SYNPR: variants seen among roughly 807,000 people sequenced by gnomAD.
SYNPR encodes synaptoporin.
In SYNPR, 23 loss-of-function variants were observed where a neutral mutation model predicts 32.9. That is an observed-to-expected ratio of 0.70 (90% confidence interval 0.50 to 0.99). The LOEUF is 0.99. Among genes scored for constraint, SYNPR ranks in the 50% least tolerant of loss-of-function variants. The probability of loss-of-function intolerance (pLI) is 0.00; values close to 1 mark genes in which losing one functional copy is unlikely to be tolerated. For missense variants in SYNPR, 318 were observed against 349.3 expected (o/e 0.91, Z 0.71); for synonymous variants, 146 against 135.9 (o/e 1.07, Z -0.52).
At chr3:63,510,252 G>C (rs1701671096) in intron 3 of SYNPR, among the ~76,000 whole-genome samples, 1 of 152,106 alleles carries the variant, frequency 6.6e-6, no homozygotes, top group South Asian at 2.1e-4. Flanking sequence ...TTCAAACCCA[G>C]GTCACCCTAT....
chr3:63,591,962 C>A (rs1418652221), intron 4 of SYNPR, among the ~76,000 whole-genome samples: 1 of 151,416 alleles, frequency 6.6e-6, no homozygotes, highest in Non-Finnish European at 1.5e-5. Flanking sequence ...ACCTGTGAAC[C>A]TGTGAATGTG....
At chr3:63,324,619 C>T (rs1178272712) in intron 2 of SYNPR, among the ~76,000 whole-genome samples, 1 of 152,062 alleles carries the variant, frequency 6.6e-6, no homozygotes, top group African/African-American at 2.4e-5. Flanking sequence ...ATATAGACTA[C>T]TAAGAGGAGA....
chr3:63,510,915 C>CTGTGTGTGTGTGTGTG (rs755622968), intron 3 of SYNPR, among the ~76,000 whole-genome samples: 21,901 of 149,050 alleles, frequency 0.15, 1,938 homozygotes, highest in South Asian at 0.2. Context: ...AAAGGTACAA[C>CTGTGTGTGTGTGTGTG]TGTGTGTGTG....
chr3:63,211,762 GGTTA>G, the SYNPR span, among the ~76,000 whole-genome samples: 6 of 146,118 alleles, frequency 4.1e-5, no homozygotes, highest in Non-Finnish European at 6.0e-5. Flanking sequence ...ACATTGTGCA[GGTTA>G]GTTACATATG....
At chr3:63,556,999 A>G (rs888891737) in intron 4 of SYNPR, among the ~76,000 whole-genome samples, 4 of 152,232 alleles carry the variant, frequency 2.6e-5, no homozygotes, top group Non-Finnish European at 5.9e-5. Context: ...GAGATCAAGG[A>G]AAGAGCAGTG....
intron 4 of SYNPR, among the ~76,000 whole-genome samples, chr3:63,600,183 A>G (rs2106890586): frequency 6.6e-6 from 1 of 152,346 alleles, no homozygotes; most frequent in East Asian, 1.9e-4. Flanking sequence ...AAGATGAATG[A>G]TGTTGGTAAG....
chr3:63,329,475 A>G (rs1438203223), intron 2 of SYNPR, among the ~76,000 whole-genome samples: 1 of 152,174 alleles, frequency 6.6e-6, no homozygotes, highest in African/African-American at 2.4e-5. Context: ...CACAGCAATT[A>G]AAATTGGAGA....
At chr3:63,490,557 A>G (rs1701239903) in intron 3 of SYNPR, among the ~76,000 whole-genome samples, 1 of 152,006 alleles carries the variant, frequency 6.6e-6, no homozygotes, top group Admixed American at 6.6e-5. Context: ...AAGGCATGGT[A>G]TATAGCATGC....
rs372332252 is a variant in SYNPR at position 63,589,650 on chromosome 3, T to C, written c.409-19475T>C. ...TCCCTGGGATGCAAGGCTGGTTCAA[T>C]ATACACAAATCAATAAATGTAATCC... On this transcript the variant is annotated intron_variant, in intron 4 of 5. Transcript: ENST00000478300. 2.1e-3 allele frequency among the ~76,000 whole-genome samples: 321 copies of C among 151,142 alleles called. 9 individuals are homozygous for C. In the East Asian group the frequency reaches 0.057, roughly 27 times the overall value.
intron 2 of SYNPR, among the ~76,000 whole-genome samples, chr3:63,471,721 C>T (rs752968435): frequency 6.6e-6 from 1 of 152,150 alleles, no homozygotes; most frequent in African/African-American, 2.4e-5. Context: ...GCTTTGTTCC[C>T]AGAAATGCCC....
the SYNPR span, among the ~76,000 whole-genome samples, chr3:63,206,193 C>T: frequency 6.6e-6 from 1 of 152,074 alleles, no homozygotes; most frequent in Non-Finnish European, 1.5e-5. Flanking sequence ...TTAATAAGAT[C>T]TATGGGGGAT....
Position 63,278,343 on chromosome 3 carries a change from T to C in SYNPR, c.-191T>C, listed in dbSNP as rs1575583774. The C allele has an allele frequency of 1.5e-6, 1 of 671,366 alleles. No individual in the cohort carries two copies. The highest frequency in any genetic ancestry group is 2.8e-5 in the East Asian group (1 of 35,144). 41.6% of individuals were successfully genotyped at this position (671,366 alleles called of 1,614,324 possible). A position where few individuals can be genotyped will look rare whatever the true frequency, so the allele number is the denominator to read the frequency against. ...GACTCGCTTCGCTTCCCCGACGCGC[T>C]GGGTTCCCGGAGCGCAGAGCCCAGC... On this transcript the variant is annotated 5_prime_UTR_variant, in exon 1 of 6. Transcript: ENST00000478300.
intron 5 of SYNPR, among the ~76,000 whole-genome samples, chr3:63,613,207 T>C (rs560963673): frequency 1.3e-5 from 2 of 151,738 alleles, no homozygotes; most frequent in African/African-American, 2.4e-5. Flanking sequence ...ACCTCAATAA[T>C]TTTTTATACT....
chr3:63,407,621 T>C (rs1032279142), intron 2 of SYNPR, among the ~76,000 whole-genome samples: 3 of 152,202 alleles, frequency 2.0e-5, no homozygotes, highest in African/African-American at 7.2e-5. Flanking sequence ...AAATGCCTTC[T>C]TTGTAATCAT....
At chr3:63,276,901 AC>A (rs75226584), upstream of SYNPR, among the ~76,000 whole-genome samples, 13 of 130,714 alleles carry the variant, frequency 9.9e-5, no homozygotes, top group South Asian at 1.4e-3. Flanking sequence ...TCAAATACCC[AC>A]CCCCCCCACC....
chr3:63,385,223 C>T (rs1387463872), intron 2 of SYNPR, among the ~76,000 whole-genome samples: 1 of 152,068 alleles, frequency 6.6e-6, no homozygotes, highest in Non-Finnish European at 1.5e-5. Flanking sequence ...CCAAATACTC[C>T]ACAATGCTTT....
At chr3:63,309,443 A>C (rs1023354585) in intron 2 of SYNPR, among the ~76,000 whole-genome samples, 6 of 152,030 alleles carry the variant, frequency 3.9e-5, no homozygotes, top group Non-Finnish European at 8.8e-5. Flanking sequence ...GATGTTAAAA[A>C]ATTTCTATGA....
intron 2 of SYNPR, among the ~76,000 whole-genome samples, chr3:63,458,502 T>C (rs1201842792): frequency 3.9e-5 from 6 of 152,270 alleles, no homozygotes; most frequent in Admixed American, 1.3e-4. Context: ...TCAAGTGAAC[T>C]AGCCTGGGCT....
At chr3:63,516,463 T>C (rs1199298095) in intron 3 of SYNPR, among the ~76,000 whole-genome samples, 1 of 152,126 alleles carries the variant, frequency 6.6e-6, no homozygotes, top group Non-Finnish European at 1.5e-5. Flanking sequence ...AAACAATCAC[T>C]CTGGTGTTAT....
Sources: gnomAD v4.1 joint callset for allele counts (sites outside exome capture counted in the v4.1 genomes callset) on GRCh38, gnomAD v4.1.1 for gene constraint, MANE v1.5 for transcripts, NCBI Gene and HGNC (gene_info 2026-07-23, HGNC 2026-07-21) for gene names.